PTRH1: variants seen among roughly 807,000 people sequenced by gnomAD.
PTRH1 encodes peptidyl-tRNA hydrolase.
Under a neutral mutation model 15.7 loss-of-function variants are expected in PTRH1, and 13 were observed. That is an observed-to-expected ratio of 0.83 (90% CI 0.54 to 1.31). The LOEUF (loss-of-function observed/expected upper bound fraction) is 1.31, where lower values mean the gene tolerates loss of function less well. PTRH1 is among the 40% of genes most tolerant of loss of function. The pLI, the probability that PTRH1 is intolerant of heterozygous loss-of-function variation, is 0.00. For synonymous variants in PTRH1, 139 were observed against 136.7 expected (o/e 1.02, Z -0.12); for missense variants, 319 against 296.2 (o/e 1.08, Z -0.56).
rs753004514 is a variant in PTRH1 at position 127,715,389 on chromosome 9, G to A, written c.96+155C>T. The A allele has an allele frequency of 2.5e-5, 32 of 1,305,890 alleles. No homozygotes were observed. Among genetic ancestry groups the A allele is most frequent in the Non-Finnish European group, 3.3e-5 (31 of 933,832 alleles). 80.9% of individuals were successfully genotyped at this position (1,305,890 alleles called of 1,614,324 possible). A position where few individuals can be genotyped will look rare whatever the true frequency, so the allele number is the denominator to read the frequency against. On this transcript the variant is annotated intron_variant, in intron 1 of 4. Coordinates refer to ENST00000543175, the MANE Select transcript of PTRH1 (RefSeq NM_001002913.3). This position sits in a 1 kb window ranked among gnomAD's most constrained non-coding sequence, Gnocchi z 5.8. ...GGGCAGGCAGGGCGCCCTAGTGCAG[G>A]AACGGAGCTTCAAGAAGTTTGGAGC...
chr9:127,712,369 G>A (rs1271473426), downstream of PTRH1: 11 of 1,612,728 alleles, frequency 6.8e-6, no homozygotes, highest in Non-Finnish European at 9.3e-6. Flanking sequence ...AGGGAGAGAG[G>A]GAGGGCGCAA....
intron 1 of PTRH1, among the ~76,000 whole-genome samples, chr9:127,702,561 C>T (rs1290130408): frequency 6.6e-6 from 1 of 152,030 alleles, no homozygotes; most frequent in Non-Finnish European, 1.5e-5. Context: ...CAAATAAAAA[C>T]CAGCATGTTT....
At chr9:127,706,256 G>A (rs895822637) in intron 1 of PTRH1, among the ~76,000 whole-genome samples, 10 of 151,572 alleles carry the variant, frequency 6.6e-5, no homozygotes, top group African/African-American at 1.9e-4. Flanking sequence ...TTTCTGACCC[G>A]TCACCGTGAC....
At position 127,697,743 on chromosome 9, in the gene PTRH1, G is replaced by A. The variant is rs117595338; in HGVS notation, c.206-2602C>T. 2.0e-3 allele frequency among the ~76,000 whole-genome samples: 305 copies of A among 152,312 alleles called. 8 individuals are homozygous for A. In the East Asian group the frequency reaches 0.045, roughly 23 times the overall value. ...GGAAGTGTCCGTGGCAGACTATGTG[G>A]AAGGACACTGTCAACACATGCGCTC... On this transcript the variant is annotated intron_variant, in intron 1 of 2. Transcript: ENST00000335223.
chr9:127,713,446 A>C (rs541741858), downstream of PTRH1: 3 of 442,054 alleles, frequency 6.8e-6, no homozygotes, highest in East Asian at 7.3e-5. Flanking sequence ...ACCAGCAGGG[A>C]AAGAGTGGGA....
intron 1 of PTRH1, among the ~76,000 whole-genome samples, chr9:127,707,425 C>T (rs756307409): frequency 2.6e-4 from 39 of 152,280 alleles, no homozygotes; most frequent in Middle Eastern, 3.4e-3. Flanking sequence ...CCTGGGCCCA[C>T]GATGCTAGCT....
intron 1 of PTRH1, among the ~76,000 whole-genome samples, chr9:127,699,597 G>C (rs999946785): frequency 2.0e-5 from 3 of 152,074 alleles, no homozygotes; most frequent in African/African-American, 4.8e-5. Context: ...TAGGCAGTAC[G>C]AATACTAAAA....
downstream of PTRH1, chr9:127,711,886 C>T (rs550150827): frequency 7.0e-5 from 111 of 1,595,004 alleles, no homozygotes; most frequent in East Asian, 1.4e-3. Context: ...CGAGGAGCTG[C>T]GCCTCCTGCT....
rs1265924817 is a variant in PTRH1 at position 127,714,220 on chromosome 9, A to G, written c.525T>C (p.His175=). Reference sequence around the variant, plus strand: ...CAGCAGGGGAGAAGCAGCCCAGCACATGGGCCTGAACCGCCTCAGGGTGCG... The same window carrying G: ...CAGCAGGGGAGAAGCAGCCCAGCACGTGGGCCTGAACCGCCTCAGGGTGCG... ...RPAHPEAVQA[H]VLGCFSPAEQ... The change falls in exon 5 of 5, where the codon CAT becomes CAC. Residue 175 remains histidine, a synonymous_variant. Transcript: ENST00000543175. 4 of 1,613,788 alleles carry G rather than the reference A, an allele frequency of 2.5e-6. No individual in the cohort carries two copies. Among genetic ancestry groups the G allele is most frequent in the African/African-American group, 2.7e-5 (2 of 74,948 alleles).
chr9:127,707,252 C>CCCCCATG, intron 1 of PTRH1: 2 of 1,573,328 alleles, frequency 1.3e-6, no homozygotes, highest in Non-Finnish European at 1.7e-6. Context: ...GCCCAGGTGG[C>CCCCCATG]CCCCATGCAG....
intron 1 of PTRH1, among the ~76,000 whole-genome samples, chr9:127,699,388 G>A (rs978778163): frequency 1.3e-5 from 2 of 152,340 alleles, no homozygotes; most frequent in East Asian, 1.9e-4. Flanking sequence ...CCGGTCACGC[G>A]GCGGATCAGA....
downstream of PTRH1, among the ~76,000 whole-genome samples, chr9:127,709,051 G>A (rs1277064242): frequency 1.3e-5 from 2 of 152,188 alleles, no homozygotes; most frequent in African/African-American, 4.8e-5. The surrounding 1 kb of genome is among the most constrained non-coding windows in gnomAD (Gnocchi z 4.7). Context: ...TTCCTCATCT[G>A]TCAAATAGGT....
chr9:127,715,477 C>A lies in PTRH1; in HGVS notation c.96+67G>T. ...CAGCAATTTGGGGGCACTCGGCTCCCGGGACATAATGGCCGAACTGAAGCT... is the reference window on the plus strand; with the variant it reads ...CAGCAATTTGGGGGCACTCGGCTCCAGGGACATAATGGCCGAACTGAAGCT... On this transcript the variant is annotated intron_variant, in intron 1 of 4. Transcript: ENST00000543175. The surrounding 1 kb of genome is among the most constrained non-coding windows in gnomAD (Gnocchi z 5.8). The A allele has an allele frequency of 2.5e-6, 4 of 1,606,458 alleles. No homozygotes were observed. Among genetic ancestry groups the A allele is most frequent in the Non-Finnish European group, 3.4e-6 (4 of 1,175,788 alleles).
chr9:127,711,305 G>A (rs1842760603), downstream of PTRH1: 2 of 1,614,058 alleles, frequency 1.2e-6, no homozygotes, highest in Non-Finnish European at 1.7e-6. Context: ...CCGGATGTGG[G>A]AGACAACCAA....
At chr9:127,699,448 G>A (rs920223554) in intron 1 of PTRH1, among the ~76,000 whole-genome samples, 7 of 152,226 alleles carry the variant, frequency 4.6e-5, no homozygotes, top group Non-Finnish European at 2.9e-5. Context: ...GGGCTAGTAA[G>A]CGTCTACTAG....
At chr9:127,707,282 G>A in intron 1 of PTRH1, 1 of 1,443,740 alleles carries the variant, frequency 6.9e-7, no homozygotes, top group East Asian at 2.3e-5. Flanking sequence ...TGGGGCCTTA[G>A]GCCTGTGTTC....
intron 1 of PTRH1, among the ~76,000 whole-genome samples, chr9:127,706,379 T>C (rs567249683): frequency 3.3e-5 from 5 of 152,212 alleles, no homozygotes; most frequent in Admixed American, 6.5e-5. Context: ...CCCTTGGCTA[T>C]TGTCAGAGTT....
chr9:127,712,314 G>T (rs1328208438), downstream of PTRH1: 1 of 1,614,022 alleles, frequency 6.2e-7, no homozygotes, highest in East Asian at 2.2e-5. Flanking sequence ...GGCGGCTCTG[G>T]TCCAGGCCAC....
downstream of PTRH1, chr9:127,713,496 CTTTTTTTTTTTTTTTTTTTTT>C (rs58502035): frequency 6.4e-4 from 58 of 90,932 alleles, no homozygotes; most frequent in Non-Finnish European, 9.8e-4. Flanking sequence ...CAGCATCTTT[CTTTTTTTTTTTTTTTTTTTTT>C]TTTTTTTGAG....
Sources: gnomAD v4.1 joint callset for allele counts (sites outside exome capture counted in the v4.1 genomes callset) on GRCh38, gnomAD v4.1.1 for gene constraint, Gnocchi (gnomAD v3.1) non-coding constraint, MANE v1.5 for transcripts, NCBI Gene and HGNC (gene_info 2026-07-23, HGNC 2026-07-21) for gene names.